The following FOXN3 variants were observed in gnomAD, a reference collection of about 807,000 sequenced individuals.
FOXN3 encodes forkhead box protein N3.
Under a neutral mutation model 38.4 loss-of-function variants are expected in FOXN3, and 7 were observed. The observed-to-expected ratio is 0.18, with a 90% CI of 0.10 to 0.34. The LOEUF is 0.34. FOXN3 is among the 10% of genes least tolerant of loss of function. FOXN3 has a pLI of 1.00. For synonymous variants in FOXN3, 230 were observed against 242.2 expected (o/e 0.95, Z 0.47); for missense variants, 456 against 613.4 (o/e 0.74, Z 2.71).
chr14:89,322,138 C>T (rs1470016873), intron 3 of FOXN3, among the ~76,000 whole-genome samples: 2 of 152,224 alleles, frequency 1.3e-5, no homozygotes, highest in African/African-American at 4.8e-5. Context: ...GGAGGGGCAG[C>T]ATGCCAGGGT....
At chr14:89,316,810 G>A (rs755086820) in intron 3 of FOXN3, among the ~76,000 whole-genome samples, 1 of 152,006 alleles carries the variant, frequency 6.6e-6, no homozygotes, top group Non-Finnish European at 1.5e-5. Flanking sequence ...GATTACAGGG[G>A]CCTATCACCA....
At chr14:89,375,299 A>G (rs368776248) in intron 2 of FOXN3, among the ~76,000 whole-genome samples, 7 of 152,334 alleles carry the variant, frequency 4.6e-5, no homozygotes, top group African/African-American at 1.7e-4. Context: ...TTATGCCTCA[A>G]TGAAGTTTTT....
intron 3 of FOXN3, among the ~76,000 whole-genome samples, chr14:89,310,872 C>T (rs1014263454): frequency 5.9e-5 from 9 of 151,628 alleles, no homozygotes; most frequent in African/African-American, 1.9e-4. Context: ...TTTGGGAGGC[C>T]GAGGCAGGCA....
At chr14:89,319,022 G>T (rs761511730) in intron 3 of FOXN3, among the ~76,000 whole-genome samples, 12 of 152,230 alleles carry the variant, frequency 7.9e-5, no homozygotes, top group South Asian at 2.1e-4. Context: ...GCCACCAGGG[G>T]CCTGGGCCCA....
rs1317072392 is a variant in FOXN3 at position 89,412,397 on chromosome 14, C to G, written c.80G>C (p.Gly27Ala). Residue 27 changes from glycine (G) to alanine (A), a missense_variant, in exon 2 of 6, where the codon GGG (glycine) becomes GCG (alanine). Gly to Ala is a moderately conservative substitution (Grantham distance 60). Coordinates refer to ENST00000557258, the MANE Select transcript of FOXN3 (RefSeq NM_005197.4). The surrounding 1 kb of genome is among the most constrained non-coding windows in gnomAD (Gnocchi z 4.7). ...SVSSGLSQCY[G>A]GSGFSKALQE... ...AAGGGCCTTGGAGAAACCGCTGCCC[C>G]CGTAACACTGACTCAGTCCACTGGA... The G allele has an allele frequency of 6.2e-7, 1 of 1,614,142 alleles. No homozygotes were observed. The highest frequency in any genetic ancestry group is 1.1e-5 in the South Asian group (1 of 91,080).
chr14:89,566,038 C>T (rs1045853976), intron 1 of FOXN3, among the ~76,000 whole-genome samples: 8 of 152,236 alleles, frequency 5.3e-5, no homozygotes, highest in Non-Finnish European at 1.2e-4. Flanking sequence ...CTGTGACCCT[C>T]GCCCCAGAAT....
At chr14:89,357,116 C>T (rs1889261354) in intron 2 of FOXN3, among the ~76,000 whole-genome samples, 1 of 151,996 alleles carries the variant, frequency 6.6e-6, no homozygotes, top group Non-Finnish European at 1.5e-5. Context: ...TTTAGGAGGC[C>T]AAGGCAGAAG....
At chr14:89,408,273 G>GA (rs1450323870) in intron 2 of FOXN3, among the ~76,000 whole-genome samples, 1 of 150,764 alleles carries the variant, frequency 6.6e-6, no homozygotes, top group African/African-American at 2.5e-5. Flanking sequence ...AAGAAAACGG[G>GA]AATTTTTTTT....
intron 1 of FOXN3, among the ~76,000 whole-genome samples, chr14:89,550,056 G>C (rs372286906): frequency 6.6e-6 from 1 of 152,202 alleles, no homozygotes; most frequent in African/African-American, 2.4e-5. Context: ...CAAGAATTCA[G>C]ATGAAGAACA....
Position 89,162,915 on chromosome 14 carries a change from G to C in FOXN3, c.906C>G (p.Ser302=), listed in dbSNP as rs1252638196. ...CCTTGGGGTCTCCGCTGACCACTGG[G>C]GAGCCACAAGATGGCTCACTCTCAG... The part of the protein sequence containing the change: ...MRTESEPSCG[S]PVVSGDPKED... Residue 302 remains serine (S), a synonymous_variant, in exon 6 of 6, where the codon TCC becomes TCG. Transcript: ENST00000557258. The surrounding 1 kb of genome is among the most constrained non-coding windows in gnomAD (Gnocchi z 7.2). The C allele has an allele frequency of 6.3e-7, 1 of 1,593,084 alleles. No homozygotes were observed. The highest frequency in any genetic ancestry group is 1.7e-5 in the Admixed American group (1 of 58,970).
intron 1 of FOXN3, among the ~76,000 whole-genome samples, chr14:89,473,270 C>T (rs550932687): frequency 7.2e-5 from 11 of 152,000 alleles, no homozygotes; most frequent in East Asian, 1.9e-4. Context: ...GTGATCCTCC[C>T]GCCTCGGCCT....
intron 2 of FOXN3, among the ~76,000 whole-genome samples, chr14:89,371,608 G>A (rs561441060): frequency 1.3e-5 from 2 of 152,098 alleles, no homozygotes; most frequent in South Asian, 4.2e-4. Flanking sequence ...GCCCCGCAGA[G>A]CACCTCTTTA....
At chr14:89,327,104 A>C (rs1386285065) in intron 3 of FOXN3, among the ~76,000 whole-genome samples, 3 of 152,176 alleles carry the variant, frequency 2.0e-5, no homozygotes, top group South Asian at 2.1e-4. Context: ...TAGGACCACA[A>C]CATGAGGCCA....
chr14:89,615,435 C>T (rs1896478057), intron 1 of FOXN3, among the ~76,000 whole-genome samples: 1 of 152,148 alleles, frequency 6.6e-6, no homozygotes, highest in Non-Finnish European at 1.5e-5. Context: ...GTACCACGAT[C>T]AATTTTCCTA....
chr14:89,204,357 G>A (rs548230995), intron 4 of FOXN3, among the ~76,000 whole-genome samples: 2 of 151,270 alleles, frequency 1.3e-5, no homozygotes, highest in East Asian at 1.9e-4. Flanking sequence ...GAATTCGGGG[G>A]CTGCTGATTC....
intron 2 of FOXN3, among the ~76,000 whole-genome samples, chr14:89,396,880 C>CAT (rs554214792): frequency 1.4e-4 from 19 of 140,734 alleles, no homozygotes; most frequent in Non-Finnish European, 2.6e-4. Context: ...CTGCAGTAGA[C>CAT]TTTTTTTTTT....
At position 89,158,547 on chromosome 14, in the gene FOXN3, T is replaced by C. The variant is rs1460084840; in HGVS notation, c.*3867A>G. ...TTGGTTCATTTTAGTTTCAGATAGA[T>C]GGCTTCACCAAAGAACTCTTGAAAG... On this transcript the variant is annotated 3_prime_UTR_variant, in exon 6 of 6. Coordinates refer to ENST00000557258, the MANE Select transcript of FOXN3 (RefSeq NM_005197.4). 2 of 152,628 alleles carry C rather than the reference T, an allele frequency of 1.3e-5. No homozygotes were observed. Among genetic ancestry groups the C allele is most frequent in the Non-Finnish European group, 1.5e-5 (1 of 68,036 alleles). 9.5% of individuals were successfully genotyped at this position (152,628 alleles called of 1,614,324 possible).
chr14:89,564,214 A>G (rs1895303515), intron 1 of FOXN3, among the ~76,000 whole-genome samples: 1 of 152,140 alleles, frequency 6.6e-6, no homozygotes, highest in Non-Finnish European at 1.5e-5. Context: ...AGAAAGGATC[A>G]TTGTGATTAC....
intron 2 of FOXN3, among the ~76,000 whole-genome samples, chr14:89,360,732 ACCT>A (rs1889471710): frequency 7.9e-6 from 1 of 126,412 alleles, no homozygotes; most frequent in Non-Finnish European, 1.6e-5. Flanking sequence ...CACCACCACC[ACCT>A]CCAGCACCAC....
Sources: gnomAD v4.1 joint callset for allele counts (sites outside exome capture counted in the v4.1 genomes callset) on GRCh38, gnomAD v4.1.1 for gene constraint, Gnocchi (gnomAD v3.1) non-coding constraint, MANE v1.5 for transcripts, NCBI Gene and HGNC (gene_info 2026-07-23, HGNC 2026-07-21) for gene names.